The following HELQ variants were observed in gnomAD, a reference collection of about 807,000 sequenced individuals.
HELQ encodes helicase POLQ-like.
In HELQ, 77 loss-of-function variants were observed where a neutral mutation model predicts 111.6. The observed-to-expected ratio is 0.69, with a 90% CI of 0.57 to 0.83. The LOEUF (loss-of-function observed/expected upper bound fraction) is 0.83, where lower values mean the gene tolerates loss of function less well. Ranked by LOEUF, HELQ falls within the 40% of genes least tolerant of loss-of-function variation. The pLI is 0.00. For missense variants in HELQ, 1,200 were observed against 1,288.5 expected (o/e 0.93, Z 1.05); for synonymous variants, 438 against 454.7 (o/e 0.96, Z 0.47).
chr4:83,446,745 C>T (rs1448190275), intron 4 of HELQ, 90 bp downstream of exon 4: 3 of 720,664 alleles, frequency 4.2e-6, no homozygotes, highest in East Asian at 5.5e-5. Flanking sequence ...TATAGAGGTA[C>T]TAAGGTACTA....
chr4:83,424,757 C>T (rs1009847077), intron 14 of HELQ, among the ~76,000 whole-genome samples: 2 of 151,976 alleles, frequency 1.3e-5, no homozygotes, highest in Non-Finnish European at 2.9e-5. Flanking sequence ...AGGGTTTCAC[C>T]ATGTTGGTCA....
Position 83,426,035 on chromosome 4 carries a change from T to C in HELQ, c.2734A>G (p.Ser912Gly). The change falls in exon 14 of 18, where the codon AGC becomes GGC. Residue 912 changes from serine to glycine, a missense_variant. Transcript: ENST00000295488. The stretch of plus-strand genomic sequence containing the variant: ...CCTGATGCTTTCTTCCCAATAAAGC[T>C]TTCAGAGACTCCAAGAATGGCAGCT... ...NVAAILGVSESFIGKKASGQA... is the reference protein window; with the variant it reads ...NVAAILGVSEGFIGKKASGQA... 6.2e-7 allele frequency: 1 copy of C among 1,611,622 alleles called. No homozygotes were observed. Among genetic ancestry groups the C allele is most frequent in the Non-Finnish European group, 8.5e-7 (1 of 1,177,966 alleles).
intron 1 of HELQ, 87 bp from the exon 2 acceptor site, chr4:83,454,032 C>G: frequency 1.2e-6 from 1 of 810,268 alleles, no homozygotes; most frequent in Non-Finnish European, 2.0e-6. Flanking sequence ...GGTCAAACCC[C>G]GTGTCTACAG....
intron 10 of HELQ, 32 bp from the exon 11 acceptor site, chr4:83,431,800 GTTA>G (rs1720168339): frequency 1.1e-6 from 1 of 893,176 alleles, no homozygotes; most frequent in Admixed American, 2.9e-5. Context: ...CATGCCTTGT[GTTA>G]TTATTAAAAA....
At chr4:83,429,474 T>C in intron 12 of HELQ, 50 bp downstream of exon 12, 1 of 1,313,462 alleles carries the variant, frequency 7.6e-7, no homozygotes, top group Non-Finnish European at 1.1e-6. Flanking sequence ...TTAATTTTCA[T>C]TTTTTCCAAT....
intron 17 of HELQ, 116 bp downstream of exon 17, chr4:83,416,615 G>T (rs371792977): frequency 2.0e-6 from 2 of 1,024,940 alleles, no homozygotes; most frequent in African/African-American, 1.6e-5. Context: ...ATGTACTTTT[G>T]TATCTATAGA....
chr4:83,438,942 G>C (rs1720611813), intron 8 of HELQ, among the ~76,000 whole-genome samples: 1 of 152,096 alleles, frequency 6.6e-6, no homozygotes, highest in Admixed American at 6.5e-5. Context: ...ATTTGTCTAA[G>C]ATGTAGCCTG....
In HELQ at chr4:83,426,009, G is replaced by A. The variant is rs1272677497; in HGVS notation, c.2760C>T (p.Gly920=). ...SESFIGKKAS[G]QAIGKKVDKN... is the part of the protein sequence containing the mutation. ...AATGTGGTACCTTTCCGATGGCTTG[G>A]CCTGATGCTTTCTTCCCAATAAAGC... Residue 920 remains glycine, a synonymous_variant, in exon 14 of 18, where the codon GGC becomes GGT. Transcript: ENST00000295488. 5.0e-6 allele frequency: 8 copies of A among 1,593,894 alleles called. No homozygotes were observed. The highest frequency in any genetic ancestry group is 6.9e-6 in the Non-Finnish European group (8 of 1,162,426).
intron 17 of HELQ, among the ~76,000 whole-genome samples, chr4:83,413,124 G>C (rs1235288285): frequency 1.3e-5 from 2 of 152,192 alleles, no homozygotes; most frequent in Non-Finnish European, 2.9e-5. Context: ...AAAGCTCTGT[G>C]CCACTTCCCC....
rs1377375199 is a variant in HELQ, at chr4:83,446,971, T to C, written c.1256A>G (p.Lys419Arg). 2 of 1,613,736 alleles carry C rather than the reference T, an allele frequency of 1.2e-6. No homozygotes were observed. Among genetic ancestry groups the C allele is most frequent in the Non-Finnish European group, 1.7e-6 (2 of 1,179,612 alleles). Residue 419 changes from lysine to arginine, a missense_variant, in exon 4 of 18, where the codon AAA becomes AGA. Lys to Arg is a conservative substitution (Grantham distance 26). Around this residue, in one of 3 missense-constraint regions of HELQ, gnomAD observed 610 missense variants for 607.1 expected, o/e 1.00. Coordinates refer to ENST00000295488, the MANE Select transcript of HELQ (RefSeq NM_133636.5). ...TCTTTTAGTTGGAGGAAATCTTCCT[T>C]TGCTTCCAGCATATTCTTCAACAAA... is the stretch of plus-strand genomic sequence containing the variant. ...GFFVEEYAGS[K>R]GRFPPTKRRE...
At position 83,455,412 on chromosome 4, in the gene HELQ, T is replaced by C. The variant is rs750802234; in HGVS notation, c.282A>G (p.Arg94=). The change falls in exon 1 of 18, where the codon AGA becomes AGG. Residue 94 remains arginine, a synonymous_variant. Transcript: ENST00000295488. ...PDLLRHMPTD[R]GVGDQPNDSE... is the part of the protein sequence containing the mutation. ...TCCTCCGTACCTGGTCTCCCACCCC[T>C]CTGTCAGTGGGCATGTGACGTAGGA... 1.2e-6 allele frequency: 2 copies of C among 1,612,836 alleles called. No individual in the cohort carries two copies. The highest frequency in any genetic ancestry group is 2.2e-5 in the South Asian group (2 of 91,070).
intron 2 of HELQ, among the ~76,000 whole-genome samples, chr4:83,449,756 A>G (rs1032865444): frequency 6.6e-6 from 1 of 152,210 alleles, no homozygotes; most frequent in African/African-American, 2.4e-5. Flanking sequence ...CAATAAATAC[A>G]TGGCCAATAA....
At chr4:83,428,412 T>C (rs1265685278) in intron 12 of HELQ, among the ~76,000 whole-genome samples, 1 of 151,894 alleles carries the variant, frequency 6.6e-6, no homozygotes, top group Non-Finnish European at 1.5e-5. Context: ...AATACAAAAA[T>C]TAGTCAGGCA....
intron 11 of HELQ, among the ~76,000 whole-genome samples, chr4:83,431,008 T>C (rs959575886): frequency 6.6e-6 from 1 of 152,186 alleles, no homozygotes; most frequent in Admixed American, 6.5e-5. Flanking sequence ...CCTCTGCTTC[T>C]GGCTTCTCAA....
intron 2 of HELQ, among the ~76,000 whole-genome samples, chr4:83,449,645 C>A (rs1400342718): frequency 6.6e-6 from 1 of 152,072 alleles, no homozygotes; most frequent in African/African-American, 2.4e-5. Flanking sequence ...GATAATCTGA[C>A]AATAAAAATC....
chr4:83,429,974 T>C (rs1720053514), intron 11 of HELQ, among the ~76,000 whole-genome samples: 1 of 152,120 alleles, frequency 6.6e-6, no homozygotes, highest in African/African-American at 2.4e-5. Context: ...AAACATGTAC[T>C]CATTTTTCAT....
At chr4:83,452,164 C>T (rs1419225781) in intron 2 of HELQ, among the ~76,000 whole-genome samples, 1 of 152,212 alleles carries the variant, frequency 6.6e-6, no homozygotes, top group Non-Finnish European at 1.5e-5. Flanking sequence ...TTTGTCCAAC[C>T]CACGGCCCTC....
At chr4:83,416,608 T>C in intron 17 of HELQ, 123 bp downstream of exon 17, 3 of 964,314 alleles carry the variant, frequency 3.1e-6, no homozygotes, top group Non-Finnish European at 4.6e-6. Flanking sequence ...TAAGAGTATG[T>C]ACTTTTGTAT....
intron 17 of HELQ, among the ~76,000 whole-genome samples, chr4:83,407,810 C>T (rs1427764341): frequency 1.3e-5 from 2 of 152,034 alleles, no homozygotes; most frequent in African/African-American, 4.8e-5. Context: ...TTTAATTCTC[C>T]CAAAGATTTG....
Sources: allele counts gnomAD v4.1 joint callset (sites outside exome capture counted in the v4.1 genomes callset), GRCh38; gene constraint gnomAD v4.1.1; regional missense constraint gnomAD v4.1.1; transcripts MANE v1.5; gene names NCBI Gene and HGNC (gene_info 2026-07-23, HGNC 2026-07-21).